PCDHGA1: variants seen among roughly 807,000 people sequenced by gnomAD.
The protein encoded by PCDHGA1 is protocadherin gamma subfamily A, 1, also known as protocadherin gamma-A1.
A neutral mutation model predicts 58.0 loss-of-function variants in PCDHGA1; 32 were observed. That is an observed-to-expected ratio of 0.55 (90% CI 0.42 to 0.74). PCDHGA1 has a LOEUF of 0.74. PCDHGA1 is among the 30% of genes least tolerant of loss of function. PCDHGA1 has a pLI of 0.00. For synonymous variants in PCDHGA1, 498 were observed against 501.1 expected (o/e 0.99, Z 0.08); for missense variants, 1,205 against 1,182.3 (o/e 1.02, Z -0.28).
intron 1 of PCDHGA1, chr5:141,403,068 C>G (rs1178674622): frequency 6.2e-7 from 1 of 1,614,064 alleles, no homozygotes; most frequent in Admixed American, 1.7e-5. Context: ...CCTGAAGAGA[C>G]AGAAAAGGGC....
chr5:141,508,904 T>C (rs1421450229), intron 3 of PCDHGA1, among the ~76,000 whole-genome samples: 2 of 151,336 alleles, frequency 1.3e-5, no homozygotes, highest in African/African-American at 4.9e-5. Context: ...GGCGGGGCGG[T>C]GGCGGATCTG....
intron 1 of PCDHGA1, chr5:141,345,150 G>T: frequency 6.2e-7 from 1 of 1,613,964 alleles, no homozygotes; most frequent in East Asian, 2.2e-5. Context: ...CGACGTGCAT[G>T]ACCGAGATTC....
At chr5:141,355,321 G>A in intron 1 of PCDHGA1, 1 of 1,613,994 alleles carries the variant, frequency 6.2e-7, no homozygotes. Context: ...GGAGCAGGAA[G>A]AAGGCTCAGT....
chr5:141,381,093 A>T (rs1776980252), intron 1 of PCDHGA1, among the ~76,000 whole-genome samples: 1 of 152,266 alleles, frequency 6.6e-6, no homozygotes, highest in Admixed American at 6.5e-5. Flanking sequence ...AGATCAAAAC[A>T]GAATGTCCTT....
Position 141,404,333 on chromosome 5 carries a change from C to T in PCDHGA1, c.2421+71228C>T, listed in dbSNP as rs181615917. On this transcript the variant is annotated intron_variant, in intron 1 of 3. Transcript: ENST00000517417. ...CTCTCAAGCCTCCTACTCAGTCTACCTCCCGGAAAACAACGCCAGAGGTAC... is the reference window on the plus strand; with the variant it reads ...CTCTCAAGCCTCCTACTCAGTCTACTTCCCGGAAAACAACGCCAGAGGTAC... The T allele has an allele frequency of 3.8e-5, 62 of 1,613,854 alleles. No homozygotes were observed. The East Asian group carries it at 8.5e-4, about 22-fold the overall frequency.
In PCDHGA1 at chr5:141,418,429, A is replaced by G. The variant is rs765952024; in HGVS notation, c.2422-76378A>G. ...AGAAAGACAATCCTGATGGTGGCAAATATCCAGAATTAGTATTGCAGAAGA... is the reference window on the plus strand; with the variant it reads ...AGAAAGACAATCCTGATGGTGGCAAGTATCCAGAATTAGTATTGCAGAAGA... On this transcript the variant is annotated intron_variant, in intron 1 of 3. Transcript: ENST00000517417. 8.7e-6 allele frequency: 14 copies of G among 1,613,972 alleles called. No homozygotes were observed. In the South Asian group the frequency reaches 1.5e-4, roughly 18 times the overall value.
chr5:141,360,084 T>A (rs1761414694), intron 1 of PCDHGA1: 1 of 1,492,590 alleles, frequency 6.7e-7, no homozygotes, highest in South Asian at 1.4e-5. Context: ...GATTCTGCCA[T>A]CCCCGGAAGG....
Position 141,427,970 on chromosome 5 carries a change from C to A in PCDHGA1, c.2422-66837C>A, listed in dbSNP as rs760792774. On this transcript the variant is annotated intron_variant, in intron 1 of 3. Coordinates refer to ENST00000517417, the MANE Select transcript of PCDHGA1 (RefSeq NM_018912.3). ...ATGACAATGTGCCGCGGGTGCTGTA[C>A]CCCGCGCTGGGGCCCGATGGCTCCG... 1.9e-6 allele frequency: 3 copies of A among 1,592,510 alleles called. No individual in the cohort carries two copies. The Admixed American group carries it at 5.0e-5, about 27-fold the overall frequency.
chr5:141,386,056 A>C (rs2090445356), intron 1 of PCDHGA1: 1 of 152,214 alleles, frequency 6.6e-6, no homozygotes, highest in South Asian at 2.1e-4. Flanking sequence ...TTTAACAGAG[A>C]ATTCCAGTAT....
At chr5:141,421,783 A>G in intron 1 of PCDHGA1, 1 of 1,613,882 alleles carries the variant, frequency 6.2e-7, no homozygotes, top group East Asian at 2.2e-5. Flanking sequence ...ACTGCGGGGC[A>G]GAACGGATGG....
chr5:141,410,345 C>T, intron 1 of PCDHGA1: 1 of 1,614,040 alleles, frequency 6.2e-7, no homozygotes, highest in Non-Finnish European at 8.5e-7. Flanking sequence ...TGCCTTGCGC[C>T]TGCGACGCTC....
intron 1 of PCDHGA1, chr5:141,404,969 G>T (rs2094589920): frequency 6.2e-7 from 1 of 1,613,964 alleles, no homozygotes; most frequent in East Asian, 2.2e-5. Context: ...AGACATCCTG[G>T]CTGACCTGGG....
chr5:141,401,537 A>G (rs188857820), intron 1 of PCDHGA1, among the ~76,000 whole-genome samples: 56 of 152,362 alleles, frequency 3.7e-4, no homozygotes, highest in Non-Finnish European at 7.5e-4. Context: ...AACTTACAAA[A>G]AAAAGGAAAT....
At chr5:141,371,515 T>C in intron 1 of PCDHGA1, 1 of 1,613,844 alleles carries the variant, frequency 6.2e-7, no homozygotes, top group Non-Finnish European at 8.5e-7. Context: ...ACACATGATC[T>C]AGATTCTGGA....
chr5:141,331,372 A>G lies in PCDHGA1; in HGVS notation c.688A>G (p.Ile230Val), dbSNP rs115370042. ...PVRSGTLRIY[I>V]QVVDANDNPP... Reference sequence around the variant, plus strand: ...CCGTTCAGGGACCCTCAGAATTTACATTCAGGTGGTGGATGCAAATGACAA... The same window carrying G: ...CCGTTCAGGGACCCTCAGAATTTACGTTCAGGTGGTGGATGCAAATGACAA... Residue 230 changes from isoleucine (I) to valine (V), a missense_variant, in exon 1 of 4, where the codon ATT becomes GTT. Coordinates refer to ENST00000517417, the MANE Select transcript of PCDHGA1 (RefSeq NM_018912.3). 4.1e-4 allele frequency: 664 copies of G among 1,614,168 alleles called. No homozygotes were observed. Among genetic ancestry groups the G allele is most frequent in the Admixed American group, 6.0e-4 (36 of 60,026 alleles).
At chr5:141,361,246 A>T in intron 1 of PCDHGA1, 1 of 1,613,980 alleles carries the variant, frequency 6.2e-7, no homozygotes, top group South Asian at 1.1e-5. Flanking sequence ...CTTGATAAAA[A>T]CGAGAGACAG....
chr5:141,415,819 T>C, intron 1 of PCDHGA1: 1 of 1,328,322 alleles, frequency 7.5e-7, no homozygotes, highest in Admixed American at 3.5e-5. Context: ...CTATATATCA[T>C]AAGGCTTTGT....
chr5:141,497,218 GA>G (rs1172998466), intron 2 of PCDHGA1, among the ~76,000 whole-genome samples: 1 of 149,792 alleles, frequency 6.7e-6, no homozygotes, highest in Non-Finnish European at 1.5e-5. Flanking sequence ...ATGGGGGGGG[GA>G]AGATCAGAGA....
chr5:141,481,913 CAAAAAAAA>C (rs34114744), intron 1 of PCDHGA1, among the ~76,000 whole-genome samples: 1 of 90,852 alleles, frequency 1.1e-5, no homozygotes, highest in African/African-American at 4.2e-5. Flanking sequence ...AACTCCATCT[CAAAAAAAA>C]AAAAAAAAAA....
Sources: allele counts gnomAD v4.1 joint callset (sites outside exome capture counted in the v4.1 genomes callset), GRCh38; gene constraint gnomAD v4.1.1; transcripts MANE v1.5; gene names NCBI Gene and HGNC (gene_info 2026-07-23, HGNC 2026-07-21).